The following SLC12A1 variants were observed in gnomAD, a reference collection of about 807,000 sequenced individuals.
SLC12A1 encodes Na-K-2Cl cotransporter.
Under a neutral mutation model 130.4 loss-of-function variants are expected in SLC12A1, and 89 were observed. The observed-to-expected ratio is 0.68, with a 90% confidence interval of 0.58 to 0.81. The LOEUF is 0.81. SLC12A1 is among the 40% of genes least tolerant of loss of function. The probability of loss-of-function intolerance (pLI) is 0.00; values close to 1 mark genes in which losing one functional copy is unlikely to be tolerated. For synonymous variants in SLC12A1, 499 were observed against 460.0 expected, an observed-to-expected ratio of 1.08 and a Z score of -1.09; for missense variants, 1,310 against 1,336.4, an observed-to-expected ratio of 0.98 and a Z score of 0.31.
intron 24 of SLC12A1, among the ~76,000 whole-genome samples, chr15:48,294,044 A>G (rs2042147617): frequency 6.6e-6 from 1 of 151,532 alleles, no homozygotes; most frequent in African/African-American, 2.4e-5. Flanking sequence ...ATCTCAAAAA[A>G]AAAAAAAGAA....
intron 9 of SLC12A1, 90 bp downstream of exon 9, chr15:48,235,094 T>C: frequency 7.7e-7 from 1 of 1,304,316 alleles, no homozygotes; most frequent in Non-Finnish European, 1.1e-6. Flanking sequence ...TGTGACCATA[T>C]TACCCTACAG....
chr15:48,220,560 T>C, intron 2 of SLC12A1, 74 bp from the exon 3 acceptor site: 7 of 1,396,028 alleles, frequency 5.0e-6, no homozygotes, highest in Non-Finnish European at 6.7e-6. Flanking sequence ...ATTGTTTTGA[T>C]TTGCTTTGAA....
In SLC12A1 at chr15:48,274,581, G is replaced by A; in HGVS notation, c.2413G>A (p.Asp805Asn). 1.2e-6 allele frequency: 2 copies of A among 1,612,330 alleles called. No individual in the cohort carries two copies. The highest frequency in any genetic ancestry group is 1.7e-6 in the Non-Finnish European group (2 of 1,179,056). ...TGCTTCCTCTTTCAGTGATGCATTT[G>A]ATTTTGAGATTGGCGTGGTTATAGT... ...NYVGIIHDAF[D>N]FEIGVVIVRI... The change falls in exon 20 of 27, where the codon GAT becomes AAT. Residue 805 changes from aspartate to asparagine, a missense_variant. By Grantham distance (23) the Asp-to-Asn change is conservative. Coordinates refer to ENST00000380993, the MANE Select transcript of SLC12A1 (RefSeq NM_000338.3).
At chr15:48,283,613 G>A (rs367903066) in intron 20 of SLC12A1, among the ~76,000 whole-genome samples, 88 of 152,356 alleles carry the variant, frequency 5.8e-4, no homozygotes, top group East Asian at 4.2e-3. Flanking sequence ...TAGCAGCATC[G>A]TCTAGGGATG....
At chr15:48,255,306 C>T (rs189460456) in intron 15 of SLC12A1, among the ~76,000 whole-genome samples, 1 of 152,040 alleles carries the variant, frequency 6.6e-6, no homozygotes, top group East Asian at 2.0e-4. Flanking sequence ...GACATGTTGG[C>T]GGGTGCCTGT....
intron 2 of SLC12A1, chr15:48,217,767 C>G (rs2041142647): frequency 6.6e-6 from 1 of 152,154 alleles, no homozygotes; most frequent in Non-Finnish European, 1.5e-5. Flanking sequence ...CACGAACTTT[C>G]AAGTCCACCT....
At chr15:48,250,578 A>T (rs2141062897) in intron 14 of SLC12A1, among the ~76,000 whole-genome samples, 1 of 152,170 alleles carries the variant, frequency 6.6e-6, no homozygotes, top group Admixed American at 6.5e-5. Flanking sequence ...CAGGGAAAAG[A>T]GTAAAAAAGA....
intron 16 of SLC12A1, among the ~76,000 whole-genome samples, chr15:48,258,156 T>A (rs1271355076): frequency 1.4e-5 from 1 of 71,786 alleles, no homozygotes; most frequent in Non-Finnish European, 2.2e-5. Context: ...GGTCAGGAGA[T>A]CGAGACCATC....
chr15:48,260,628 C>T (rs2041763855), intron 17 of SLC12A1, among the ~76,000 whole-genome samples: 1 of 152,116 alleles, frequency 6.6e-6, no homozygotes, highest in African/African-American at 2.4e-5. Context: ...GATATCAGTC[C>T]AGGCCACACA....
chr15:48,208,134 G>T lies in SLC12A1; in HGVS notation c.415G>T (p.Ala139Ser), dbSNP rs144128875. Residue 139 changes from alanine to serine, a missense_variant, in exon 2 of 27, where the codon GCA becomes TCA. By Grantham distance (99) the Ala-to-Ser change is moderately conservative (BLOSUM62 1). Transcript: ENST00000380993. ...PSLLEIHEQL[A>S]KNVAVTPSSA... ...CCTGCTTGAGATTCACGAGCAACTCGCAAAGGTAAGCTTGAAGGACACAAG... is the reference window on the plus strand; with the variant it reads ...CCTGCTTGAGATTCACGAGCAACTCTCAAAGGTAAGCTTGAAGGACACAAG... 2.5e-6 allele frequency: 4 copies of T among 1,578,442 alleles called. No individual in the cohort carries two copies. The highest frequency in any genetic ancestry group is 2.6e-6 in the Non-Finnish European group (3 of 1,162,062).
intron 10 of SLC12A1, among the ~76,000 whole-genome samples, chr15:48,242,620 T>G (rs577378624): frequency 3.9e-5 from 6 of 152,070 alleles, no homozygotes; most frequent in Admixed American, 6.5e-5. Flanking sequence ...TGGGAAAACA[T>G]AGAGAGACCC....
Position 48,231,979 on chromosome 15 carries a change from C to G in SLC12A1, c.976-748C>G, listed in dbSNP as rs568107272. Among the ~76,000 whole-genome samples, 189 of 152,168 alleles carry G rather than the reference C, an allele frequency of 1.2e-3. 1 individual carries two copies. The highest frequency in any genetic ancestry group is 3.4e-3 in the Middle Eastern group (1 of 294). The stretch of plus-strand genomic sequence containing the variant: ...TGAGCCGAGATCGTGCCATTGCATT[C>G]CAGCCTGGGCGACAGAGTGAGACTC... On this transcript the variant is annotated intron_variant, in intron 7 of 26. Transcript: ENST00000380993.
chr15:48,281,460 G>A (rs1453460792), intron 20 of SLC12A1, among the ~76,000 whole-genome samples: 1 of 152,200 alleles, frequency 6.6e-6, no homozygotes, highest in Non-Finnish European at 1.5e-5. Flanking sequence ...GATTCTGATT[G>A]AGAAATTTGG....
chr15:48,259,418 A>G, intron 17 of SLC12A1, 107 bp downstream of exon 17: 1 of 810,492 alleles, frequency 1.2e-6, no homozygotes, highest in Non-Finnish European at 2.2e-6. Flanking sequence ...TAGCAAAAAA[A>G]CAGTTTATAG....
chr15:48,250,777 T>C (rs1304135167), intron 14 of SLC12A1, among the ~76,000 whole-genome samples: 2 of 152,048 alleles, frequency 1.3e-5, no homozygotes, highest in Non-Finnish European at 2.9e-5. Context: ...TATGTCCATC[T>C]TGTGGCCATT....
At chr15:48,240,034 T>TCC (rs1567316837) in intron 9 of SLC12A1, among the ~76,000 whole-genome samples, 3 of 25,234 alleles carry the variant, frequency 1.2e-4, no homozygotes, top group African/African-American at 2.3e-4. Context: ...TATATCCATA[T>TCC]ATATATATAT....
chr15:48,210,580 T>C (rs1307417897), intron 2 of SLC12A1, among the ~76,000 whole-genome samples: 1 of 151,210 alleles, frequency 6.6e-6, no homozygotes, highest in Admixed American at 6.6e-5. Flanking sequence ...AAAGCCTGGG[T>C]GTGGTGGCTC....
intron 6 of SLC12A1, among the ~76,000 whole-genome samples, 181 bp downstream of exon 6, chr15:48,229,509 C>G (rs1457853596): frequency 2.0e-5 from 3 of 152,160 alleles, no homozygotes; most frequent in African/African-American, 7.2e-5. Flanking sequence ...ACTTACCAGC[C>G]AAGAAAGTTT....
At chr15:48,264,733 T>TA (rs886508092) in intron 17 of SLC12A1, among the ~76,000 whole-genome samples, 8 of 151,784 alleles carry the variant, frequency 5.3e-5, no homozygotes, top group Non-Finnish European at 1.0e-4. Context: ...CTTTCAATGT[T>TA]AAAAAAAAGA....
Sources: gnomAD v4.1 joint callset for allele counts (sites outside exome capture counted in the v4.1 genomes callset) on GRCh38, gnomAD v4.1.1 for gene constraint, MANE v1.5 for transcripts, NCBI Gene and HGNC (gene_info 2026-07-23, HGNC 2026-07-21) for gene names.